Variants in LTF observed in about 807,000 individuals in gnomAD.
LTF encodes the protein epididymis luminal protein 110.
Under a neutral mutation model 87.2 loss-of-function variants are expected in LTF, and 91 were observed. That is an observed-to-expected ratio of 1.04 (90% confidence interval 0.88 to 1.24). The LOEUF is 1.24. Ranked by LOEUF, LTF falls within the 50% of genes most tolerant of loss-of-function variation. The pLI is 0.00. For synonymous variants in LTF, 378 were observed against 356.1 expected (o/e 1.06, Z -0.69); for missense variants, 901 against 904.3 (o/e 1.00, Z 0.05).
rs1702632148 is a variant in LTF, at chr3:46,445,518, C to T, written c.1358-82G>A. The T allele has an allele frequency of 7.7e-6, 9 of 1,166,896 alleles. No homozygotes were observed. The East Asian group carries it at 2.0e-4, about 26-fold the overall frequency. The allele number at this position is 1,166,896 out of a possible 1,614,324, so 72.3% of individuals were successfully genotyped here. ...GATTCCAGTGGAGCTGTCTACAGCCCAGGCCAAAACAGGCCAAGAAGCAAC... is the reference window on the plus strand; with the variant it reads ...GATTCCAGTGGAGCTGTCTACAGCCTAGGCCAAAACAGGCCAAGAAGCAAC... On this transcript the variant is annotated intron_variant, in intron 11 of 16. Transcript: ENST00000231751.
chr3:46,450,752 C>T (rs1464994398), intron 6 of LTF, 79 bp from the exon 7 acceptor site: 136 of 1,266,650 alleles, frequency 1.1e-4, no homozygotes, highest in Non-Finnish European at 2.2e-6. Context: ...CCCCTTCTCC[C>T]TATAGAATTT....
intron 1 of LTF, among the ~76,000 whole-genome samples, chr3:46,480,073 T>C (rs1280172815): frequency 6.6e-6 from 1 of 152,134 alleles, no homozygotes; most frequent in East Asian, 1.9e-4. Flanking sequence ...AGAAGCTCCA[T>C]TCTAATCATG....
At chr3:46,478,991 A>G (rs1273402959) in intron 1 of LTF, among the ~76,000 whole-genome samples, 1 of 152,222 alleles carries the variant, frequency 6.6e-6, no homozygotes, top group African/African-American at 2.4e-5. Flanking sequence ...CAGAGCATTT[A>G]TCCTGGACCA....
intron 2 of LTF, 75 bp from the exon 3 acceptor site, chr3:46,456,473 A>G (rs1702938555): frequency 8.4e-7 from 1 of 1,196,366 alleles, no homozygotes; most frequent in South Asian, 1.3e-5. Flanking sequence ...CAGGACCTCA[A>G]AAAGTCTCCA....
intron 6 of LTF, among the ~76,000 whole-genome samples, chr3:46,453,804 G>T (rs1229963682): frequency 2.0e-5 from 3 of 152,216 alleles, no homozygotes; most frequent in African/African-American, 7.2e-5. Context: ...GAGGAAAAGA[G>T]AGCACAACCT....
rs1194080460 is a variant in LTF at position 46,448,940 on chromosome 3, G to A, written c.1135C>T (p.Gln379Ter). 1.2e-6 allele frequency: 2 copies of A among 1,613,684 alleles called. No individual in the cohort carries two copies. The highest frequency in any genetic ancestry group is 2.7e-5 in the African/African-American group (2 of 74,866). The change falls in exon 9 of 17, where the codon CAG (glutamine) becomes TAG (stop). Residue 379 changes from glutamine (Q) to a stop codon, truncating the protein, a stop_gained. Transcript: ENST00000231751. LOFTEE classifies it high-confidence loss of function. ...VGEQELRKCN[Q>*]WSGLSEGSVT... ...CTGCCTTCGCTCAAGCCACTCCACT[G>A]GTTACACTTGCGCAGCTCCTGCTCG...
chr3:46,458,763 C>T (rs1413384612), intron 2 of LTF, among the ~76,000 whole-genome samples: 1 of 152,114 alleles, frequency 6.6e-6, no homozygotes, highest in East Asian at 1.9e-4. Flanking sequence ...TTAGTAGAGG[C>T]AGGGTTTCAC....
intron 10 of LTF, among the ~76,000 whole-genome samples, chr3:46,446,834 A>C (rs1400923090): frequency 1.3e-5 from 2 of 152,242 alleles, no homozygotes; most frequent in Non-Finnish European, 2.9e-5. Context: ...AGACATAAAA[A>C]AACACATGCT....
intron 5 of LTF, among the ~76,000 whole-genome samples, chr3:46,454,793 C>T (rs1403838071): frequency 1.3e-5 from 2 of 152,016 alleles, no homozygotes; most frequent in African/African-American, 2.4e-5. Context: ...GCTCAGCCTC[C>T]GCGTGGGGGC....
At position 46,445,393 on chromosome 3, in the gene LTF, AAGGCT is replaced by A. The variant is rs753767800; in HGVS notation, c.1396_1400del (p.Ser466TyrfsTer38). On this transcript the variant is annotated frameshift_variant, in exon 12 of 17. Transcript: ENST00000231751. LOFTEE classifies it high-confidence loss of function. ...TCTTGCCTTTCACAGAGTTCCAGGTAAGGCTAGTGTCTGATCTCCTAACCACCGCC... is the reference window on the plus strand; with the variant it reads ...TCTTGCCTTTCACAGAGTTCCAGGTAAGTGTCTGATCTCCTAACCACCGCC... 17 of 1,613,850 alleles carry A rather than the reference AAGGCT, an allele frequency of 1.1e-5. No homozygotes were observed. The highest frequency in any genetic ancestry group is 1.3e-5 in the African/African-American group (1 of 74,922).
intron 16 of LTF, 83 bp downstream of exon 16, chr3:46,437,857 C>A: frequency 1.9e-6 from 2 of 1,026,106 alleles, no homozygotes; most frequent in Non-Finnish European, 3.0e-6. Context: ...CACCTGTGTT[C>A]GTTCCTAGAA....
intron 1 of LTF, among the ~76,000 whole-genome samples, chr3:46,476,634 G>C (rs562624525): frequency 6.6e-6 from 1 of 152,016 alleles, no homozygotes; most frequent in African/African-American, 2.4e-5. Flanking sequence ...TGAACACCTC[G>C]CTAAAAAACA....
At position 46,449,000 on chromosome 3, in the gene LTF, C is replaced by T. The variant is rs1297608713; in HGVS notation, c.1075G>A (p.Ala359Thr). Reference protein sequence around the residue: ...NLRKSEEEVAARRARVVWCAV... With the variant: ...NLRKSEEEVATRRARVVWCAV... ...CACCACACGACCCGCGCACGCCGGG[C>T]AGCCACTTCCTCCTCACCTGCCAGA... Residue 359 changes from alanine (A) to threonine (T), a missense_variant, in exon 9 of 17, where the codon GCC becomes ACC. Coordinates refer to ENST00000231751, the MANE Select transcript of LTF (RefSeq NM_002343.6). 2.5e-6 allele frequency: 4 copies of T among 1,609,492 alleles called. No individual in the cohort carries two copies. The highest frequency in any genetic ancestry group is 4.5e-5 in the East Asian group (2 of 44,784).
At chr3:46,478,584 G>A (rs983863053) in intron 1 of LTF, among the ~76,000 whole-genome samples, 19 of 152,184 alleles carry the variant, frequency 1.2e-4, no homozygotes, top group Admixed American at 7.9e-4. Context: ...GGAAGCAGCC[G>A]CAGGATGCAA....
intron 12 of LTF, among the ~76,000 whole-genome samples, chr3:46,443,804 G>C (rs1702580937): frequency 6.6e-6 from 1 of 152,302 alleles, no homozygotes; most frequent in South Asian, 2.1e-4. Context: ...CCCAACTAAG[G>C]CTGGGGATGA....
At chr3:46,472,523 T>TGA (rs1454860019) in intron 1 of LTF, among the ~76,000 whole-genome samples, 107 of 146,302 alleles carry the variant, frequency 7.3e-4, no homozygotes, top group Middle Eastern at 3.4e-3. Flanking sequence ...TGTGTGTGTG[T>TGA]GTGTGAGAGA....
intron 14 of LTF, among the ~76,000 whole-genome samples, chr3:46,440,380 G>C (rs909491452): frequency 1.3e-5 from 2 of 152,166 alleles, no homozygotes; most frequent in African/African-American, 4.8e-5. Flanking sequence ...AATATATACA[G>C]CCAATTCTAA....
chr3:46,479,038 G>A (rs72900281), intron 1 of LTF, among the ~76,000 whole-genome samples: 1 of 152,080 alleles, frequency 6.6e-6, no homozygotes, highest in Non-Finnish European at 1.5e-5. Flanking sequence ...AACTGAGTTA[G>A]ACTCAGTTCT....
Position 46,450,689 on chromosome 3 carries a change from G to C in LTF, c.704-16C>G, listed in dbSNP as rs1424153899. 1.2e-6 allele frequency: 2 copies of C among 1,601,504 alleles called. No homozygotes were observed. The highest frequency in any genetic ancestry group is 1.3e-5 in the African/African-American group (1 of 74,680). ...GACAGGTCCTCTGCAGGGAAGGTGA[G>C]GTGGGAGGGAGTCTAGATAAGCCGA... is the stretch of plus-strand genomic sequence containing the variant. On this transcript the variant is annotated splice_polypyrimidine_tract_variant and intron_variant, in intron 6 of 16. Transcript: ENST00000231751.
Sources: gnomAD v4.1 joint callset for allele counts (sites outside exome capture counted in the v4.1 genomes callset) on GRCh38, gnomAD v4.1.1 for gene constraint, MANE v1.5 for transcripts, NCBI Gene and HGNC (gene_info 2026-07-23, HGNC 2026-07-21) for gene names.